The following FHOD3 variants were observed in gnomAD, a reference collection of about 807,000 sequenced individuals.
FHOD3 encodes the protein formin homology 2 domain containing 3.
A neutral mutation model predicts 173.0 loss-of-function variants in FHOD3; 90 were observed. The observed-to-expected ratio is 0.52, with a 90% CI of 0.44 to 0.62. The LOEUF is 0.62. FHOD3 is among the 20% of genes least tolerant of loss of function. FHOD3 has a pLI of 0.00. For missense variants in FHOD3, 1,945 were observed against 2,034.7 expected, an observed-to-expected ratio of 0.96 and a Z score of 0.85; for synonymous variants, 828 against 823.0, an observed-to-expected ratio of 1.01 and a Z score of -0.10.
intron 17 of FHOD3, among the ~76,000 whole-genome samples, chr18:36,706,361 G>A (rs558766707): frequency 7.2e-5 from 11 of 152,310 alleles, no homozygotes; most frequent in African/African-American, 2.4e-4. Context: ...ATTCTGGGCA[G>A]GAGATGACTT....
At chr18:36,769,150 G>T in intron 27 of FHOD3, 115 bp from the exon 28 acceptor site, 1 of 1,241,480 alleles carries the variant, frequency 8.1e-7, no homozygotes, top group Non-Finnish European at 1.1e-6. Flanking sequence ...TTTAACTCTG[G>T]CCTTCCCTGT....
At chr18:36,458,665 GGTT>G (rs2052367503) in intron 3 of FHOD3, among the ~76,000 whole-genome samples, 1 of 130,886 alleles carries the variant, frequency 7.6e-6, no homozygotes, top group African/African-American at 3.2e-5. Flanking sequence ...TTTTTTGTTA[GGTT>G]TTTTTTTTTT....
chr18:36,416,015 A>G (rs1195781692), intron 3 of FHOD3, among the ~76,000 whole-genome samples: 1 of 152,194 alleles, frequency 6.6e-6, no homozygotes, highest in Non-Finnish European at 1.5e-5. Context: ...ATAGCTGAAT[A>G]TCATATACAT....
At chr18:36,513,181 T>TAA (rs59461055) in intron 5 of FHOD3, among the ~76,000 whole-genome samples, 57,525 of 141,664 alleles carry the variant, frequency 0.41, 12,147 homozygotes, top group Non-Finnish European at 0.49. Context: ...TTTGATCCTG[T>TAA]AAAAAAAAAA....
intron 18 of FHOD3, among the ~76,000 whole-genome samples, chr18:36,716,112 G>T (rs142024179): frequency 6.8e-4 from 103 of 152,370 alleles, no homozygotes; most frequent in African/African-American, 2.4e-3. Flanking sequence ...GCTGTTAAAA[G>T]ACTTTGAGCA....
At chr18:36,460,932 A>T (rs1312723206) in intron 3 of FHOD3, among the ~76,000 whole-genome samples, 1 of 152,138 alleles carries the variant, frequency 6.6e-6, no homozygotes, top group Non-Finnish European at 1.5e-5. Flanking sequence ...CAAGGTGCTG[A>T]TGCTGACCCC....
intron 3 of FHOD3, among the ~76,000 whole-genome samples, chr18:36,388,520 G>A (rs2048136506): frequency 1.3e-5 from 2 of 152,140 alleles, no homozygotes; most frequent in Non-Finnish European, 2.9e-5. Context: ...ATGCCCCAGG[G>A]GTCTTTTAGG....
chr18:36,779,605 T>G lies in FHOD3; in HGVS notation c.*75T>G, dbSNP rs1240156453. On this transcript the variant is annotated 3_prime_UTR_variant, in exon 29 of 29. Coordinates refer to ENST00000590592, the MANE Select transcript of FHOD3 (RefSeq NM_001281740.3). ...CTGGATGAAACCCCTCCAGGTGGGG[T>G]TGGGGAGACTTGATATTCACATCCA... is the stretch of plus-strand genomic sequence containing the variant. The G allele has an allele frequency of 1.6e-6, 2 of 1,280,680 alleles. No homozygotes were observed. Among genetic ancestry groups the G allele is most frequent in the African/African-American group, 2.9e-5 (2 of 67,924 alleles). 79.3% of individuals were successfully genotyped at this position (1,280,680 alleles called of 1,614,324 possible). A position where few individuals can be genotyped will look rare whatever the true frequency, so the allele number is the denominator to read the frequency against.
chr18:36,760,560 C>A (rs910381717), intron 26 of FHOD3, 48 bp from the exon 27 acceptor site: 1 of 1,474,160 alleles, frequency 6.8e-7, no homozygotes, highest in Non-Finnish European at 9.0e-7. Flanking sequence ...CTTGAGTTGT[C>A]TTTTTGGGGA....
chr18:36,375,212 G>T (rs181481090), intron 3 of FHOD3, among the ~76,000 whole-genome samples: 9 of 152,280 alleles, frequency 5.9e-5, no homozygotes, highest in Admixed American at 5.2e-4. Flanking sequence ...GAACAATTTT[G>T]AGTCAAAATG....
At chr18:36,555,578 T>A (rs55977670) in intron 5 of FHOD3, among the ~76,000 whole-genome samples, 1,646 of 152,238 alleles carry the variant, frequency 0.011, 30 homozygotes, top group African/African-American at 0.037. Flanking sequence ...GTCTTTTATA[T>A]ACTTATTTTC....
intron 3 of FHOD3, among the ~76,000 whole-genome samples, chr18:36,437,736 T>C (rs1290008976): frequency 6.8e-6 from 1 of 146,644 alleles, no homozygotes; most frequent in Non-Finnish European, 1.5e-5. Context: ...CGATGTCGGC[T>C]CACTGCAACC....
chr18:36,510,745 T>C lies in FHOD3; in HGVS notation c.406-1693T>C, dbSNP rs563861347. ...TTATTTTTTATTTCCTTTATACATA[T>C]GAGTGTAAAGTAATTTTCCAAAAAC... On this transcript the variant is annotated intron_variant, in intron 4 of 28. Coordinates refer to ENST00000590592, the MANE Select transcript of FHOD3 (RefSeq NM_001281740.3). Among the ~76,000 whole-genome samples the C allele has an allele frequency of 5.3e-5, 8 of 152,358 alleles. No individual in the cohort carries two copies. The South Asian group carries it at 1.7e-3, about 32-fold the overall frequency.
intron 15 of FHOD3, among the ~76,000 whole-genome samples, chr18:36,683,903 C>T (rs1298905923): frequency 6.6e-6 from 1 of 152,150 alleles, no homozygotes; most frequent in South Asian, 2.1e-4. Context: ...GATGCAGTTA[C>T]CAAAAGTATG....
At chr18:36,664,825 A>AGATTTC in intron 14 of FHOD3, among the ~76,000 whole-genome samples, 1 of 147,494 alleles carries the variant, frequency 6.8e-6, no homozygotes, top group Non-Finnish European at 1.5e-5. Flanking sequence ...ATTGAGATTG[A>AGATTTC]GATTTCTCCT....
intron 25 of FHOD3, among the ~76,000 whole-genome samples, chr18:36,756,907 C>T (rs1258191651): frequency 6.6e-6 from 1 of 152,130 alleles, no homozygotes; most frequent in Non-Finnish European, 1.5e-5. Flanking sequence ...GGATCCACAG[C>T]CTCTTGGAAG....
At chr18:36,559,637 T>G (rs2058020565) in intron 5 of FHOD3, among the ~76,000 whole-genome samples, 1 of 152,144 alleles carries the variant, frequency 6.6e-6, no homozygotes, top group Non-Finnish European at 1.5e-5. Context: ...GGTTTGTGCC[T>G]CCCTGAGGAT....
rs116526618 is a variant in FHOD3 at position 36,646,288 on chromosome 18, C to T, written c.1197-3028C>T. On this transcript the variant is annotated intron_variant, in intron 10 of 28. Transcript: ENST00000590592. ...ATAAAATTGAGTTCAATAATATGTA[C>T]AGTAGCATCCAAATTTATACCTAAA... is the stretch of plus-strand genomic sequence containing the variant. Among the ~76,000 whole-genome samples the T allele has an allele frequency of 3.1e-3, 471 of 152,142 alleles. 4 individuals carry two copies. The highest frequency in any genetic ancestry group is 0.011 in the African/African-American group (447 of 41,528).
chr18:36,315,785 C>T (rs968552484), intron 1 of FHOD3, among the ~76,000 whole-genome samples: 4 of 152,178 alleles, frequency 2.6e-5, no homozygotes, highest in South Asian at 4.2e-4. Context: ...CCAGCAGTGC[C>T]GAGTACTCAA....
Sources: allele counts gnomAD v4.1 joint callset (sites outside exome capture counted in the v4.1 genomes callset), GRCh38; gene constraint gnomAD v4.1.1; transcripts MANE v1.5; gene names NCBI Gene and HGNC (gene_info 2026-07-23, HGNC 2026-07-21).